ZNF326: variants seen among roughly 807,000 people sequenced by gnomAD.
ZNF326 encodes the protein zinc finger protein 326.
In ZNF326, 30 loss-of-function variants were observed where a neutral mutation model predicts 63.1. The observed-to-expected ratio is 0.48, with a 90% CI of 0.36 to 0.64. The LOEUF (loss-of-function observed/expected upper bound fraction) is 0.64. Among genes scored for constraint, ZNF326 ranks in the 30% least tolerant of loss-of-function variants. The pLI is 0.00. For synonymous variants in ZNF326, 194 were observed against 228.2 expected (o/e 0.85, Z 1.35); for missense variants, 609 against 720.3 (o/e 0.85, Z 1.77).
intron 11 of ZNF326, among the ~76,000 whole-genome samples, 192 bp from the exon 12 acceptor site, chr1:90,027,162 G>A (rs1439943396): frequency 9.2e-5 from 14 of 151,888 alleles, no homozygotes; most frequent in Admixed American, 9.2e-4. Flanking sequence ...TAAAGTAATG[G>A]CTTCAGTAAA....
Position 90,018,766 on chromosome 1 carries a change from G to A in ZNF326, c.1156G>A (p.Glu386Lys). The A allele has an allele frequency of 6.5e-7, 1 of 1,543,262 alleles. No homozygotes were observed. Among genetic ancestry groups the A allele is most frequent in the Non-Finnish European group, 8.8e-7 (1 of 1,136,442 alleles). ...NNQTEVVKII[E>K]KDVMEGVTVD... ...TCAAACAGAAGTAGTTAAAATAATT[G>A]AAAAAGATGTTATGGAAGGTAAGTA... Residue 386 changes from glutamate (E) to lysine (K), a missense_variant, in exon 9 of 12, where the codon GAA becomes AAA. This residue lies in a region of ZNF326 where 399 missense variants were observed against 444.3 expected (regional missense o/e 0.90). Coordinates refer to ENST00000340281, the MANE Select transcript of ZNF326 (RefSeq NM_182976.4).
intron 9 of ZNF326, among the ~76,000 whole-genome samples, chr1:90,019,897 A>T (rs1052592916): frequency 2.0e-5 from 3 of 152,234 alleles, no homozygotes; most frequent in African/African-American, 4.8e-5. Context: ...TATCTTGAGA[A>T]GGGCCTGCAC....
intron 2 of ZNF326, among the ~76,000 whole-genome samples, chr1:90,003,158 TCTCA>T (rs1362197603): frequency 6.7e-6 from 1 of 148,912 alleles, no homozygotes; most frequent in Admixed American, 6.8e-5. Flanking sequence ...TTGAGACGGG[TCTCA>T]CTCTGTCGCC....
rs1331795743 is a variant in ZNF326 at position 89,995,297 on chromosome 1, G to T, written c.16+24G>T. 8 of 1,543,378 alleles carry T rather than the reference G, an allele frequency of 5.2e-6. No homozygotes were observed. The East Asian group carries it at 2.0e-4, about 39-fold the overall frequency. On this transcript the variant is annotated intron_variant, in intron 1 of 11. Transcript: ENST00000340281. ...CGGTAAGCGCTGCCTCTGGCTGGTC[G>T]GCGCAGCTGGCAGGAGGCGGGGTGG...
chr1:89,998,777 AAC>A (rs1648524010), intron 2 of ZNF326, among the ~76,000 whole-genome samples: 1 of 152,222 alleles, frequency 6.6e-6, no homozygotes. Flanking sequence ...ACAAAAAAAG[AAC>A]ACAGAACAAT....
intron 9 of ZNF326, among the ~76,000 whole-genome samples, chr1:90,019,979 A>T (rs1378863740): frequency 2.0e-5 from 3 of 152,130 alleles, no homozygotes; most frequent in Non-Finnish European, 4.4e-5. Flanking sequence ...AGTACTGATC[A>T]GTTGATAACA....
At position 90,034,864 on chromosome 1, in the gene ZNF326, T is replaced by G. The variant is rs1311960847; in HGVS notation, c.*7163T>G. 2 of 151,978 alleles carry G rather than the reference T, an allele frequency of 1.3e-5. No homozygotes were observed. Among genetic ancestry groups the G allele is most frequent in the Non-Finnish European group, 2.9e-5 (2 of 67,980 alleles). 9.4% of individuals were successfully genotyped at this position (151,978 alleles called of 1,614,324 possible). Reference sequence around the variant, plus strand: ...AACAAATGTAATTTGTTGAAACTGGTCATGTTGAAAAAACATGACCAATTA... The same window carrying G: ...AACAAATGTAATTTGTTGAAACTGGGCATGTTGAAAAAACATGACCAATTA... On this transcript the variant is annotated 3_prime_UTR_variant, in exon 12 of 12. Transcript: ENST00000340281.
rs1650389917 is a variant in ZNF326 at position 90,034,034 on chromosome 1, T to G, written c.*6333T>G. The G allele has an allele frequency of 6.6e-6, 1 of 152,112 alleles. No homozygotes were observed. Among genetic ancestry groups the G allele is most frequent in the African/African-American group, 2.4e-5 (1 of 41,438 alleles). The allele number at this position is 152,112 out of a possible 1,614,324, so 9.4% of individuals were successfully genotyped here. A position where few individuals can be genotyped will look rare whatever the true frequency, so the allele number is the denominator to read the frequency against. Reference sequence around the variant, plus strand: ...TGAAAAAGTCATGCAGGATGAATACTGACAAAATATGTGTAATCCCAAGCT... The same window carrying G: ...TGAAAAAGTCATGCAGGATGAATACGGACAAAATATGTGTAATCCCAAGCT... On this transcript the variant is annotated 3_prime_UTR_variant, in exon 12 of 12. Coordinates refer to ENST00000340281, the MANE Select transcript of ZNF326 (RefSeq NM_182976.4).
chr1:89,999,678 A>G (rs902289221), intron 2 of ZNF326, among the ~76,000 whole-genome samples: 4 of 152,182 alleles, frequency 2.6e-5, no homozygotes, highest in African/African-American at 9.7e-5. Flanking sequence ...ATGTTGTGCA[A>G]AACTACTCTG....
At chr1:90,016,526 G>A (rs910048882) in intron 7 of ZNF326, among the ~76,000 whole-genome samples, 2 of 152,098 alleles carry the variant, frequency 1.3e-5, no homozygotes, top group African/African-American at 4.8e-5. Context: ...GACCAGCCTG[G>A]CCAAGGTGGC....
At chr1:90,014,471 CTA>C (rs1210654870) in intron 7 of ZNF326, among the ~76,000 whole-genome samples, 5 of 152,158 alleles carry the variant, frequency 3.3e-5, no homozygotes, top group Admixed American at 3.3e-4. Flanking sequence ...TTTCATTAAA[CTA>C]AAAATTTAAA....
chr1:90,013,066 A>T (rs1649329528), intron 6 of ZNF326, 60 bp from the exon 7 acceptor site: 1 of 1,426,252 alleles, frequency 7.0e-7, no homozygotes, highest in Admixed American at 2.2e-5. Context: ...CGAACTGATG[A>T]TTGGAAAGAG....
At chr1:90,006,822 T>C (rs1649014303) in intron 4 of ZNF326, among the ~76,000 whole-genome samples, 1 of 152,176 alleles carries the variant, frequency 6.6e-6, no homozygotes, top group African/African-American at 2.4e-5. Context: ...TTTTGACTCC[T>C]ACAGACACAA....
chr1:90,005,780 A>G, intron 4 of ZNF326: 1 of 984,734 alleles, frequency 1.0e-6, no homozygotes, highest in Non-Finnish European at 1.2e-6. Context: ...TATTTTTAAA[A>G]TTATGTTCAG....
chr1:90,009,891 A>G (rs113046358), intron 5 of ZNF326, among the ~76,000 whole-genome samples, 197 bp from the exon 6 acceptor site: 102 of 152,256 alleles, frequency 6.7e-4, no homozygotes, highest in African/African-American at 2.4e-3. Flanking sequence ...TAAAAATACT[A>G]ATTCAATGGA....
chr1:90,004,798 C>CTTTTTTTTTTTTTT (rs34878438), intron 2 of ZNF326, among the ~76,000 whole-genome samples: 1 of 68,118 alleles, frequency 1.5e-5, no homozygotes, highest in African/African-American at 5.9e-5. Context: ...AATATCAGGG[C>CTTTTTTTTTTTTTT]TTTTTTTTTT....
chr1:90,015,472 G>C lies in ZNF326; in HGVS notation c.927-1845G>C, dbSNP rs982769651. Among the ~76,000 whole-genome samples the C allele has an allele frequency of 2.0e-5, 3 of 152,290 alleles. No individual in the cohort carries two copies. In the East Asian group the frequency reaches 5.8e-4, roughly 29 times the overall value. The stretch of plus-strand genomic sequence containing the variant: ...AGGCAGGCGGATTGCTTGAGCCTAG[G>C]AGTTCAAAACCAGCTTGGGCAACAT... On this transcript the variant is annotated intron_variant, in intron 7 of 11. Transcript: ENST00000340281.
Position 90,007,547 on chromosome 1 carries a change from C to T in ZNF326, c.412C>T (p.Arg138Cys), listed in dbSNP as rs753280517. 2.0e-5 allele frequency: 33 copies of T among 1,613,662 alleles called. No homozygotes were observed. Among genetic ancestry groups the T allele is most frequent in the Admixed American group, 1.8e-4 (11 of 59,938 alleles). Reference protein sequence around the residue: ...GGSSWEAPYSRSKLRPGFMED... With the variant: ...GGSSWEAPYSCSKLRPGFMED... ...GTCTAGCTGGGAAGCACCTTACTCC[C>T]GTTCAAAATTGAGGCCTGGGTTTAT... The change falls in exon 5 of 12, where the codon CGT (arginine) becomes TGT (cysteine). Residue 138 changes from arginine to cysteine, a missense_variant. By Grantham distance (180) the Arg-to-Cys change is radical. Around this residue, in one of 3 missense-constraint regions of ZNF326, gnomAD observed 113 missense variants for 187.4 expected, o/e 0.60. Coordinates refer to ENST00000340281, the MANE Select transcript of ZNF326 (RefSeq NM_182976.4). The surrounding 1 kb of genome is among the most constrained non-coding windows in gnomAD (Gnocchi z 4.9).
rs185761908 is a variant in ZNF326, at chr1:90,024,918, C to T, written c.1402-2436C>T. Among the ~76,000 whole-genome samples, 14 of 150,394 alleles carry T rather than the reference C, an allele frequency of 9.3e-5. No individual in the cohort carries two copies. In the East Asian group the frequency reaches 2.5e-3, roughly 27 times the overall value. On this transcript the variant is annotated intron_variant, in intron 11 of 11. Transcript: ENST00000340281. Reference sequence around the variant, plus strand: ...ATTTGTGAGGAAAAATCTTCTTTGCCTTTCATCTTTGTTCTAATTCCATCA... The same window carrying T: ...ATTTGTGAGGAAAAATCTTCTTTGCTTTTCATCTTTGTTCTAATTCCATCA...
Sources: allele counts gnomAD v4.1 joint callset (sites outside exome capture counted in the v4.1 genomes callset), GRCh38; gene constraint gnomAD v4.1.1; regional missense constraint gnomAD v4.1.1; non-coding constraint Gnocchi (gnomAD v3.1); transcripts MANE v1.5; gene names NCBI Gene and HGNC (gene_info 2026-07-23, HGNC 2026-07-21).